Variants in RBFOX1 observed in about 807,000 individuals in gnomAD.
The protein encoded by RBFOX1 is RNA binding fox-1 homolog 1.
RBFOX1 carries 8 observed loss-of-function variants against 57.7 expected under a neutral mutation model. The ratio of observed to expected loss-of-function variants is 0.14; its 90% CI spans 0.08 to 0.25. RBFOX1 has a LOEUF of 0.25. Among genes scored for constraint, RBFOX1 ranks in the 10% least tolerant of loss-of-function variants. The pLI is 1.00. For synonymous variants in RBFOX1, 326 were observed against 222.4 expected, an observed-to-expected ratio of 1.47 and a Z score of -4.15; for missense variants, 611 against 548.5, an observed-to-expected ratio of 1.11 and a Z score of -1.14.
intron 1 of RBFOX1, among the ~76,000 whole-genome samples, chr16:5,357,430 A>G (rs1177629219): frequency 6.6e-6 from 1 of 152,236 alleles, no homozygotes; most frequent in African/African-American, 2.4e-5. Context: ...ACAAGAGAAC[A>G]GAACAACGCA....
chr16:5,544,555 G>T (rs2045104311), intron 2 of RBFOX1, among the ~76,000 whole-genome samples: 1 of 151,848 alleles, frequency 6.6e-6, no homozygotes, highest in Non-Finnish European at 1.5e-5. Flanking sequence ...AGAAATTAAT[G>T]AAATGAAAAA....
At chr16:5,285,621 T>A (rs1430264151) in intron 1 of RBFOX1, among the ~76,000 whole-genome samples, 1 of 152,218 alleles carries the variant, frequency 6.6e-6, no homozygotes, top group Non-Finnish European at 1.5e-5. Flanking sequence ...AAAGACCTTT[T>A]CTTATAGCTG....
intron 2 of RBFOX1, among the ~76,000 whole-genome samples, chr16:5,544,579 G>A (rs2045105510): frequency 6.6e-6 from 1 of 152,028 alleles, no homozygotes; most frequent in Non-Finnish European, 1.5e-5. Context: ...AAAAACAATA[G>A]AGAAAAATCA....
At chr16:5,493,813 T>C (rs1038540764) in intron 2 of RBFOX1, among the ~76,000 whole-genome samples, 27 of 152,354 alleles carry the variant, frequency 1.8e-4, no homozygotes, top group Middle Eastern at 3.4e-3. Flanking sequence ...TGGAGACTGA[T>C]TAAATCTTTC....
At chr16:7,287,518 C>G (rs1278706058) in intron 4 of RBFOX1, among the ~76,000 whole-genome samples, 1 of 152,186 alleles carries the variant, frequency 6.6e-6, no homozygotes, top group African/African-American at 2.4e-5. Context: ...CATGGTGAGG[C>G]TCTGACCTGG....
Position 6,089,232 on chromosome 16 carries a change from G to A in RBFOX1, c.-127+69240G>A, listed in dbSNP as rs549308872. 4.6e-5 allele frequency among the ~76,000 whole-genome samples: 7 copies of A among 152,150 alleles called. No individual in the cohort carries two copies. In the East Asian group the frequency reaches 7.7e-4, roughly 17 times the overall value. ...CAGGAGAACAAAGGAGGTAGATCCCGATTAACTGAGTAGCAGGATATTGAG... is the reference window on the plus strand; with the variant it reads ...CAGGAGAACAAAGGAGGTAGATCCCAATTAACTGAGTAGCAGGATATTGAG... On this transcript the variant is annotated intron_variant, in intron 1 of 15. Coordinates refer to ENST00000550418, the MANE Select transcript of RBFOX1 (RefSeq NM_018723.4).
intron 3 of RBFOX1, among the ~76,000 whole-genome samples, chr16:6,708,108 C>G (rs565908326): frequency 2.0e-5 from 3 of 152,316 alleles, no homozygotes; most frequent in South Asian, 2.1e-4. Context: ...CAGTTGGCAT[C>G]TTTTGTTTAC....
chr16:7,094,761 T>TGTGTGG (rs1310241881), intron 4 of RBFOX1, among the ~76,000 whole-genome samples: 2 of 139,858 alleles, frequency 1.4e-5, no homozygotes, highest in Non-Finnish European at 3.2e-5. Flanking sequence ...TGTGTGTGTG[T>TGTGTGG]GTGTGTGTGT....
At chr16:6,580,049 C>T (rs2097512765) in intron 2 of RBFOX1, among the ~76,000 whole-genome samples, 1 of 152,040 alleles carries the variant, frequency 6.6e-6, no homozygotes, top group African/African-American at 2.4e-5. Flanking sequence ...ACTTCTGCCT[C>T]CCGGGTTCAA....
chr16:7,142,068 G>A (rs1484118905), intron 4 of RBFOX1, among the ~76,000 whole-genome samples: 2 of 151,738 alleles, frequency 1.3e-5, no homozygotes, highest in Admixed American at 6.6e-5. Context: ...CTGTTGCCCA[G>A]GCTGGAGTGC....
At chr16:6,771,384 CT>C (rs1461550326) in intron 3 of RBFOX1, among the ~76,000 whole-genome samples, 3 of 152,190 alleles carry the variant, frequency 2.0e-5, no homozygotes, top group African/African-American at 7.2e-5. Context: ...ACAGATCTTT[CT>C]GACGCCTAAG....
chr16:6,384,198 C>G (rs933875350), intron 2 of RBFOX1, among the ~76,000 whole-genome samples: 3 of 151,658 alleles, frequency 2.0e-5, no homozygotes, highest in Non-Finnish European at 4.4e-5. Context: ...CTGAAATTGC[C>G]TTTTTATGGA....
intron 4 of RBFOX1, among the ~76,000 whole-genome samples, chr16:7,461,602 C>T (rs899187196): frequency 1.3e-5 from 2 of 152,266 alleles, no homozygotes; most frequent in East Asian, 1.9e-4. Context: ...TATTCCAGGT[C>T]ATTTGTGTGT....
chr16:7,035,374 A>G (rs1439379185), intron 3 of RBFOX1, among the ~76,000 whole-genome samples: 1 of 152,170 alleles, frequency 6.6e-6, no homozygotes, highest in Non-Finnish European at 1.5e-5. Flanking sequence ...CCCTCATGAT[A>G]CGGATCACGT....
intron 3 of RBFOX1, among the ~76,000 whole-genome samples, chr16:6,963,798 A>G (rs1207899670): frequency 1.3e-5 from 2 of 151,670 alleles, no homozygotes; most frequent in Non-Finnish European, 2.9e-5. Flanking sequence ...TCCCGGGTTC[A>G]TGCCATTCTC....
At chr16:6,783,602 C>T (rs973271769) in intron 3 of RBFOX1, among the ~76,000 whole-genome samples, 1 of 152,002 alleles carries the variant, frequency 6.6e-6, no homozygotes, top group African/African-American at 2.4e-5. Flanking sequence ...TACTGTCTTT[C>T]AACAAATTGT....
At chr16:6,925,293 C>T (rs1422961031) in intron 3 of RBFOX1, among the ~76,000 whole-genome samples, 1 of 150,026 alleles carries the variant, frequency 6.7e-6, no homozygotes, top group Admixed American at 6.6e-5. Context: ...ATCACCATGC[C>T]CATTTAACTT....
At chr16:5,703,454 G>A (rs1175780102) in intron 3 of RBFOX1, among the ~76,000 whole-genome samples, 2 of 152,188 alleles carry the variant, frequency 1.3e-5, no homozygotes, top group Admixed American at 6.5e-5. Flanking sequence ...GGGCAAGCTG[G>A]GAGTGGCATG....
At chr16:6,141,315 G>A (rs9935783) in intron 1 of RBFOX1, among the ~76,000 whole-genome samples, 15,779 of 152,126 alleles carry the variant, frequency 0.1, 1,367 homozygotes, top group African/African-American at 0.23. Flanking sequence ...TTACAAGGGC[G>A]ATACGGAAGA....
Sources: allele counts gnomAD v4.1 joint callset (sites outside exome capture counted in the v4.1 genomes callset), GRCh38; gene constraint gnomAD v4.1.1; transcripts MANE v1.5; gene names NCBI Gene and HGNC (gene_info 2026-07-23, HGNC 2026-07-21).